Variants in CNTNAP5 observed in about 807,000 individuals in gnomAD.
CNTNAP5 encodes contactin-associated protein-like 5.
In CNTNAP5, 72 loss-of-function variants were observed where a neutral mutation model predicts 150.2. The ratio of observed to expected loss-of-function variants is 0.48; its 90% CI spans 0.40 to 0.58. The LOEUF (loss-of-function observed/expected upper bound fraction) is 0.58, where lower values mean the gene tolerates loss of function less well. CNTNAP5 is among the 20% of genes least tolerant of loss of function. The probability of loss-of-function intolerance (pLI) is 0.00; values close to 1 mark genes in which losing one functional copy is unlikely to be tolerated. For missense variants in CNTNAP5, 1,636 were observed against 1,626.2 expected (o/e 1.01, Z -0.10); for synonymous variants, 672 against 619.8 (o/e 1.08, Z -1.25).
intron 13 of CNTNAP5, among the ~76,000 whole-genome samples, chr2:124,653,853 G>C (rs1678371689): frequency 6.7e-6 from 1 of 149,572 alleles, no homozygotes; most frequent in Non-Finnish European, 1.5e-5. Context: ...TGAAAAAACA[G>C]AGTTCTTGCC....
intron 19 of CNTNAP5, among the ~76,000 whole-genome samples, chr2:124,845,686 G>T (rs531259882): frequency 6.6e-6 from 1 of 152,020 alleles, no homozygotes; most frequent in South Asian, 2.1e-4. Context: ...TCTGTTCAGA[G>T]ATTTTATACC....
intron 13 of CNTNAP5, among the ~76,000 whole-genome samples, chr2:124,648,988 G>T (rs1246405780): frequency 6.6e-6 from 1 of 152,170 alleles, no homozygotes; most frequent in African/African-American, 2.4e-5. Context: ...CTTGATCTAG[G>T]ATCTTCAGGG....
At chr2:124,347,256 G>A (rs1045201346) in intron 3 of CNTNAP5, among the ~76,000 whole-genome samples, 10 of 152,154 alleles carry the variant, frequency 6.6e-5, no homozygotes, top group African/African-American at 2.2e-4. Context: ...CTCTCATGAC[G>A]GGGCATCTGG....
At chr2:124,147,103 A>G (rs1363569453) in intron 1 of CNTNAP5, among the ~76,000 whole-genome samples, 1 of 152,254 alleles carries the variant, frequency 6.6e-6, no homozygotes, top group African/African-American at 2.4e-5. Flanking sequence ...TGCAGGATAC[A>G]GAGCTTGGAG....
At chr2:124,418,850 A>G (rs1403035788) in intron 4 of CNTNAP5, among the ~76,000 whole-genome samples, 1 of 152,168 alleles carries the variant, frequency 6.6e-6, no homozygotes, top group Non-Finnish European at 1.5e-5. Flanking sequence ...AAAATACAGT[A>G]TGGGCCGGGC....
chr2:124,084,272 T>G (rs928684178), intron 1 of CNTNAP5, among the ~76,000 whole-genome samples: 1 of 140,492 alleles, frequency 7.1e-6, no homozygotes, highest in African/African-American at 2.7e-5. Flanking sequence ...TTTGTAGAGG[T>G]TTTTTTTTTT....
chr2:124,832,760 G>A (rs1682742553), intron 19 of CNTNAP5, among the ~76,000 whole-genome samples: 1 of 151,994 alleles, frequency 6.6e-6, no homozygotes, highest in Non-Finnish European at 1.5e-5. Flanking sequence ...CGTAAACAAT[G>A]AGTTTTATCT....
Position 124,446,749 on chromosome 2 carries a change from A to G in CNTNAP5, c.734-4A>G. The G allele has an allele frequency of 6.2e-7, 1 of 1,612,232 alleles. No homozygotes were observed. On this transcript the variant is annotated splice_region_variant and splice_polypyrimidine_tract_variant and intron_variant, in intron 5 of 23. Transcript: ENST00000682447. The stretch of plus-strand genomic sequence containing the variant: ...ATCATCTTGCCTCTCTCCCCTCTTC[A>G]CAGGTGACAGCAAAGCGCGGCTCAG...
chr2:124,812,014 TTATATTTA>T lies in CNTNAP5; in HGVS notation c.3217+13701_3217+13708del, dbSNP rs1194681974. Reference sequence around the variant, plus strand: ...ATTTATATATTATATAATATATAATTTATATTTATATATTATATAATATATAATTTATA... The same window carrying T: ...ATTTATATATTATATAATATATAATTTATATTATATAATATATAATTTATA... On this transcript the variant is annotated intron_variant, in intron 19 of 23. Coordinates refer to ENST00000682447, the MANE Select transcript of CNTNAP5 (RefSeq NM_001367498.1). 4.8e-4 allele frequency among the ~76,000 whole-genome samples: 39 copies of T among 81,302 alleles called. No homozygotes were observed. The South Asian group carries it at 5.2e-3, about 11-fold the overall frequency. The allele number at this position is 81,302 out of a possible 152,430, so 53.3% of individuals were successfully genotyped here. A position where few individuals can be genotyped will look rare whatever the true frequency, so the allele number is the denominator to read the frequency against.
chr2:124,080,175 G>C (rs955223135), intron 1 of CNTNAP5, among the ~76,000 whole-genome samples: 1 of 152,060 alleles, frequency 6.6e-6, no homozygotes, highest in Non-Finnish European at 1.5e-5. Context: ...CATTTATTTT[G>C]TGCTCTCTCC....
At chr2:124,486,094 T>C (rs753530203) in intron 7 of CNTNAP5, among the ~76,000 whole-genome samples, 8 of 152,258 alleles carry the variant, frequency 5.3e-5, no homozygotes, top group Middle Eastern at 6.8e-3. Flanking sequence ...AAATGTGGTA[T>C]ATATGAACCA....
rs576035907 is a variant in CNTNAP5, at chr2:124,107,440, G to A, written c.82+81708G>A. ...ACTCAGTACAACACAACTCACCTTT[G>A]CTCATTATGATATTCCAAACTTTCT... On this transcript the variant is annotated intron_variant, in intron 1 of 23. Transcript: ENST00000682447. Among the ~76,000 whole-genome samples, 3 of 152,282 alleles carry A rather than the reference G, an allele frequency of 2.0e-5. No individual in the cohort carries two copies. In the East Asian group the frequency reaches 5.8e-4, roughly 29 times the overall value.
chr2:124,123,454 C>T (rs541283714), intron 1 of CNTNAP5, among the ~76,000 whole-genome samples: 98 of 152,286 alleles, frequency 6.4e-4, no homozygotes, highest in Admixed American at 1.6e-3. Flanking sequence ...GCCTGCCTGC[C>T]TCTGTAGACT....
intron 1 of CNTNAP5, among the ~76,000 whole-genome samples, chr2:124,132,411 A>C (rs1683872918): frequency 6.6e-6 from 1 of 152,170 alleles, no homozygotes. Context: ...TGCACAGATA[A>C]ATATTTCCTA....
At chr2:124,181,252 T>C (rs1366590034) in intron 1 of CNTNAP5, among the ~76,000 whole-genome samples, 15 of 152,136 alleles carry the variant, frequency 9.9e-5, no homozygotes, top group Admixed American at 9.8e-4. Context: ...GAAGACTCAA[T>C]AAATAATTGT....
chr2:124,120,534 T>C lies in CNTNAP5; in HGVS notation c.82+94802T>C, dbSNP rs192328550. 1.3e-3 allele frequency among the ~76,000 whole-genome samples: 197 copies of C among 152,260 alleles called. 2 individuals carry two copies. The highest frequency in any genetic ancestry group is 3.4e-3 in the Middle Eastern group (1 of 294). On this transcript the variant is annotated intron_variant, in intron 1 of 23. Coordinates refer to ENST00000682447, the MANE Select transcript of CNTNAP5 (RefSeq NM_001367498.1). Reference sequence around the variant, plus strand: ...TGGAGAAAACAAGAGTTATAACAGGTTTAGAAACTATCTGGTGTAATCAGC... The same window carrying C: ...TGGAGAAAACAAGAGTTATAACAGGCTTAGAAACTATCTGGTGTAATCAGC...
chr2:124,744,156 G>A (rs1338787882), intron 13 of CNTNAP5, among the ~76,000 whole-genome samples: 1 of 152,030 alleles, frequency 6.6e-6, no homozygotes, highest in African/African-American at 2.4e-5. Context: ...GTTGTGGGAG[G>A]GACCAGGTGG....
intron 3 of CNTNAP5, among the ~76,000 whole-genome samples, chr2:124,263,498 G>GT (rs1290104130): frequency 1.3e-5 from 2 of 151,892 alleles, no homozygotes; most frequent in African/African-American, 2.4e-5. Flanking sequence ...TGATGGGATT[G>GT]TTTTTTTTCT....
chr2:124,728,658 C>A (rs1680208949), intron 13 of CNTNAP5, among the ~76,000 whole-genome samples: 1 of 151,886 alleles, frequency 6.6e-6, no homozygotes, highest in African/African-American at 2.4e-5. Flanking sequence ...AATAGTTATT[C>A]ATAGCTGATT....
Sources: gnomAD v4.1 joint callset for allele counts (sites outside exome capture counted in the v4.1 genomes callset) on GRCh38, gnomAD v4.1.1 for gene constraint, MANE v1.5 for transcripts, NCBI Gene and HGNC (gene_info 2026-07-23, HGNC 2026-07-21) for gene names.